SVBP: variants seen among roughly 807,000 people sequenced by gnomAD.
SVBP encodes the protein small vasohibin binding protein, also known as small vasohibin-binding protein.
In SVBP, 9 loss-of-function variants were observed where a neutral mutation model predicts 9.2. The ratio of observed to expected loss-of-function variants is 0.98; its 90% CI spans 0.59 to 1.71. SVBP has a LOEUF of 1.71. SVBP is among the 40% of genes most tolerant of loss of function. The pLI is 0.00. For synonymous variants in SVBP, 27 were observed against 23.9 expected, an observed-to-expected ratio of 1.13 and a Z score of -0.37; for missense variants, 63 against 73.2, an observed-to-expected ratio of 0.86 and a Z score of 0.51.
At chr1:42,809,272 T>C (rs1005733669) in intron 2 of SVBP, 8 of 151,972 alleles carry the variant, frequency 5.3e-5, no homozygotes. Context: ...GTAGAGGAGC[T>C]ATAACTTGAT....
At chr1:42,813,833 G>A (rs558659910) in intron 2 of SVBP, 5 of 402,454 alleles carry the variant, frequency 1.2e-5, no homozygotes, top group East Asian at 6.2e-5. Flanking sequence ...GCACAATGCA[G>A]TCATATCATC....
rs202067679 is a variant in SVBP, at chr1:42,816,537, G to A, written c.8C>T (p.Pro3Leu). MD[P>L]PARKEKTKVK... ...TTTGGTTTTTTCTTTACGTGCAGGT[G>A]GATCCATGGCTTGACTTCTGGATAT... The change falls in exon 2 of 3, where the codon CCA becomes CTA. Residue 3 changes from proline to leucine, a missense_variant. Physicochemically the swap from Pro to Leu is moderately conservative, Grantham distance 98 (BLOSUM62 -3). Coordinates refer to ENST00000372521, the MANE Select transcript of SVBP (RefSeq NM_199342.4). The A allele has an allele frequency of 1.1e-5, 17 of 1,611,904 alleles. No individual in the cohort carries two copies. In the African/African-American group the frequency reaches 2.1e-4, roughly 20 times the overall value.
chr1:42,808,412 T>G (rs1654013134), intron 2 of SVBP, among the ~76,000 whole-genome samples: 2 of 145,124 alleles, frequency 1.4e-5, no homozygotes, highest in African/African-American at 5.1e-5. Flanking sequence ...ATAAGCTATA[T>G]ATACTGTATA....
At chr1:42,813,387 T>C in intron 2 of SVBP, 1 of 512,094 alleles carries the variant, frequency 2.0e-6, no homozygotes, top group Non-Finnish European at 3.9e-6. Flanking sequence ...TCTGTTGTGT[T>C]TGAACACCAT....
intron 2 of SVBP, chr1:42,813,505 G>T (rs1004269407): frequency 5.5e-6 from 3 of 542,954 alleles, no homozygotes; most frequent in Non-Finnish European, 1.1e-5. Context: ...GGATGGTTTC[G>T]ATCCAATGGG....
At chr1:42,816,888 A>G in intron 1 of SVBP, 1 of 206,350 alleles carries the variant, frequency 4.8e-6, no homozygotes, top group South Asian at 7.3e-5. Flanking sequence ...CCCCTGTGAA[A>G]GCGTTGCCCA....
chr1:42,813,667 ATT>A, intron 2 of SVBP: 1 of 531,884 alleles, frequency 1.9e-6, no homozygotes, highest in Non-Finnish European at 3.8e-6. Context: ...TTCCCAGAGC[ATT>A]TGTTGTACAC....
chr1:42,817,337 G>A lies in SVBP; in HGVS notation c.-184C>T, dbSNP rs1368535667. 2.0e-6 allele frequency: 2 copies of A among 998,332 alleles called. No homozygotes were observed. The highest frequency in any genetic ancestry group is 3.5e-5 in the Admixed American group (1 of 28,962). The allele number at this position is 998,332 out of a possible 1,614,324, so 61.8% of individuals were successfully genotyped here. On this transcript the variant is annotated 5_prime_UTR_variant, in exon 1 of 3. Transcript: ENST00000372521. ...CCTGGGCGGGGCCGCGCGCCGGGGG[G>A]AGGGGCGCAGGGCCGAGCGCCAGGA...
intron 2 of SVBP, chr1:42,813,364 T>G (rs1181835898): frequency 2.5e-6 from 1 of 398,338 alleles, no homozygotes. Context: ...AAATACGCAT[T>G]TAACTTCTGC....
intron 2 of SVBP, among the ~76,000 whole-genome samples, chr1:42,815,557 A>G (rs1158815570): frequency 6.6e-6 from 1 of 152,152 alleles, no homozygotes; most frequent in Non-Finnish European, 1.5e-5. Flanking sequence ...AAAAAATACT[A>G]TAAATAATTT....
rs769558694 is a variant in SVBP, at chr1:42,807,380, C to T, written c.*34G>A. 4 of 1,537,476 alleles carry T rather than the reference C, an allele frequency of 2.6e-6. No individual in the cohort carries two copies. In the African/African-American group the frequency reaches 4.1e-5, roughly 16 times the overall value. Reference sequence around the variant, plus strand: ...TAAAACTGGCAACACCCTCTCAAAGCTCTCAGGATCCCATCTGGTTTGAAC... The same window carrying T: ...TAAAACTGGCAACACCCTCTCAAAGTTCTCAGGATCCCATCTGGTTTGAAC... On this transcript the variant is annotated 3_prime_UTR_variant, in exon 3 of 3. Coordinates refer to ENST00000372521, the MANE Select transcript of SVBP (RefSeq NM_199342.4).
intron 2 of SVBP, chr1:42,813,383 G>C (rs545147271): frequency 6.1e-6 from 3 of 494,302 alleles, no homozygotes; most frequent in South Asian, 4.9e-5. Flanking sequence ...GCAGTCTGTT[G>C]TGTTTGAACA....
intron 2 of SVBP, among the ~76,000 whole-genome samples, chr1:42,809,850 A>AG (rs1223540050): frequency 2.6e-5 from 4 of 152,212 alleles, no homozygotes; most frequent in African/African-American, 9.7e-5. Flanking sequence ...CATATATAAA[A>AG]GGTCAGAAAC....
In SVBP at chr1:42,810,261, C is replaced by T. The variant is rs376828192; in HGVS notation, c.115-2761G>A. Among the ~76,000 whole-genome samples, 8 of 152,202 alleles carry T rather than the reference C, an allele frequency of 5.3e-5. No individual in the cohort carries two copies. In the East Asian group the frequency reaches 5.8e-4, roughly 11 times the overall value. Reference sequence around the variant, plus strand: ...CCTCCTGGTTCAAGCAATTCCCTTGCCTCAGCCTCCTGAGTAGCTGGGACT... The same window carrying T: ...CCTCCTGGTTCAAGCAATTCCCTTGTCTCAGCCTCCTGAGTAGCTGGGACT... On this transcript the variant is annotated intron_variant, in intron 2 of 2. Coordinates refer to ENST00000372521, the MANE Select transcript of SVBP (RefSeq NM_199342.4).
chr1:42,817,269 C>T lies in SVBP; in HGVS notation c.-116G>A, dbSNP rs954560269. On this transcript the variant is annotated 5_prime_UTR_variant, in exon 1 of 3. Coordinates refer to ENST00000372521, the MANE Select transcript of SVBP (RefSeq NM_199342.4). ...CTCCGGGAGGGTAATCCTCGCCTTC[C>T]CCCGACCACTGGACCCAGCGCTGCC... The T allele has an allele frequency of 8.1e-7, 1 of 1,241,744 alleles. No homozygotes were observed. Among genetic ancestry groups the T allele is most frequent in the Non-Finnish European group, 1.0e-6 (1 of 964,706 alleles). 76.9% of individuals were successfully genotyped at this position (1,241,744 alleles called of 1,614,324 possible).
chr1:42,811,637 G>A (rs1256965587), intron 2 of SVBP, among the ~76,000 whole-genome samples: 1 of 152,180 alleles, frequency 6.6e-6, no homozygotes, highest in Non-Finnish European at 1.5e-5. Flanking sequence ...CAAGTACTGC[G>A]CTATGGGCTT....
intron 2 of SVBP, chr1:42,813,477 G>C (rs3738512): frequency 0.023 from 12,550 of 557,180 alleles, 564 homozygotes; most frequent in South Asian, 0.1. Flanking sequence ...GGCTCTTACT[G>C]TTAGTGACAT....
intron 2 of SVBP, among the ~76,000 whole-genome samples, chr1:42,811,736 C>G (rs1235037522): frequency 6.6e-6 from 1 of 152,050 alleles, no homozygotes; most frequent in Non-Finnish European, 1.5e-5. Flanking sequence ...ACTGGGGGTT[C>G]AGAGAGGTTA....
intron 2 of SVBP, among the ~76,000 whole-genome samples, chr1:42,812,425 CTTTT>C (rs371634267): frequency 0.011 from 1,641 of 152,248 alleles, 9 homozygotes; most frequent in Non-Finnish European, 0.013. Context: ...AACCAAATTT[CTTTT>C]TTATTTAATG....
Sources: allele counts gnomAD v4.1 joint callset (sites outside exome capture counted in the v4.1 genomes callset), GRCh38; gene constraint gnomAD v4.1.1; transcripts MANE v1.5; gene names NCBI Gene and HGNC (gene_info 2026-07-23, HGNC 2026-07-21).